Variants in CYP46A1 observed in about 807,000 individuals in gnomAD.
CYP46A1 encodes cholesterol 24-hydroxylase.
Under a neutral mutation model 63.3 loss-of-function variants are expected in CYP46A1, and 20 were observed. The observed-to-expected ratio is 0.32, with a 90% CI of 0.22 to 0.46. The LOEUF is 0.46. Ranked by LOEUF, CYP46A1 falls within the 20% of genes least tolerant of loss-of-function variation. The pLI, the probability that CYP46A1 is intolerant of heterozygous loss-of-function variation, is 1.00. For missense variants in CYP46A1, 445 were observed against 670.8 expected, an observed-to-expected ratio of 0.66 and a Z score of 3.72; for synonymous variants, 268 against 273.6, an observed-to-expected ratio of 0.98 and a Z score of 0.20.
chr14:99,695,062 G>A (rs2056575663), intron 3 of CYP46A1, among the ~76,000 whole-genome samples: 1 of 152,122 alleles, frequency 6.6e-6, no homozygotes, highest in South Asian at 2.1e-4. Flanking sequence ...TTATTTGGAT[G>A]TATGTTATTC....
At chr14:99,698,250 C>A (rs915898320) in intron 3 of CYP46A1, among the ~76,000 whole-genome samples, 1 of 151,998 alleles carries the variant, frequency 6.6e-6, no homozygotes, top group Non-Finnish European at 1.5e-5. Context: ...TCCTGCAGCA[C>A]GTTCCCCCTC....
chr14:99,719,210 C>G (rs2056820606), intron 10 of CYP46A1, among the ~76,000 whole-genome samples: 1 of 151,948 alleles, frequency 6.6e-6, no homozygotes, highest in Non-Finnish European at 1.5e-5. Context: ...ATGTCATCCC[C>G]CTCCACTATT....
chr14:99,684,435 G>A lies in CYP46A1; in HGVS notation c.18G>A (p.Leu6=). The A allele has an allele frequency of 6.8e-7, 1 of 1,466,692 alleles. No individual in the cohort carries two copies. The highest frequency in any genetic ancestry group is 2.4e-4 in the Middle Eastern group (1 of 4,246). The allele number at this position is 1,466,692 out of a possible 1,614,324, so 90.9% of individuals were successfully genotyped here. The change falls in exon 1 of 15, where the codon CTG becomes CTA. Residue 6 remains leucine, a synonymous_variant. Coordinates refer to ENST00000261835, the MANE Select transcript of CYP46A1 (RefSeq NM_006668.2). ...CCGGAGCCATGAGCCCCGGGCTGCTGCTGCTCGGCAGCGCCGTCCTGCTCG... is the reference window on the plus strand; with the variant it reads ...CCGGAGCCATGAGCCCCGGGCTGCTACTGCTCGGCAGCGCCGTCCTGCTCG... The part of the protein sequence containing the change: MSPGL[L]LLGSAVLLAF...
intron 7 of CYP46A1, among the ~76,000 whole-genome samples, chr14:99,714,760 C>CAAA (rs35534717): frequency 2.6e-3 from 270 of 102,152 alleles, no homozygotes; most frequent in Non-Finnish European, 4.4e-3. Flanking sequence ...AACCCCATCT[C>CAAA]AAAAAAAAAA....
At chr14:99,691,229 C>A (rs1053325801) in intron 2 of CYP46A1, 68 bp downstream of exon 2, 46 of 1,483,590 alleles carry the variant, frequency 3.1e-5, no homozygotes, top group Non-Finnish European at 3.5e-5. Flanking sequence ...CCAACCCAAT[C>A]CAGCACACAG....
intron 3 of CYP46A1, chr14:99,693,237 C>T (rs2056558924): frequency 6.5e-6 from 1 of 152,842 alleles, no homozygotes; most frequent in Admixed American, 6.5e-5. Flanking sequence ...TAAAATACAA[C>T]TTACAGTCAA....
intron 3 of CYP46A1, among the ~76,000 whole-genome samples, chr14:99,696,013 A>G (rs2056584651): frequency 6.6e-6 from 1 of 152,086 alleles, no homozygotes; most frequent in South Asian, 2.1e-4. Flanking sequence ...GCATTTTTAT[A>G]TTTAAAATGG....
At chr14:99,721,451 T>A in intron 11 of CYP46A1, 128 bp downstream of exon 11, 1 of 701,296 alleles carries the variant, frequency 1.4e-6, no homozygotes, top group Admixed American at 2.2e-5. Flanking sequence ...CCCGGAAGAT[T>A]TAAAGTATCC....
chr14:99,711,118 G>A (rs1218744467), intron 7 of CYP46A1: 4 of 151,982 alleles, frequency 2.6e-5, no homozygotes, highest in African/African-American at 9.7e-5. Context: ...AATGAAAAGG[G>A]GAACACAACA....
chr14:99,684,593 C>A, intron 1 of CYP46A1, 57 bp downstream of exon 1: 1 of 1,378,158 alleles, frequency 7.3e-7, no homozygotes, highest in Non-Finnish European at 9.6e-7. Flanking sequence ...GGCCTGGGGA[C>A]AGCGTCTAAG....
At chr14:99,704,684 AT>A (rs35758155) in intron 5 of CYP46A1, among the ~76,000 whole-genome samples, 1 of 152,184 alleles carries the variant, frequency 6.6e-6, no homozygotes, top group Non-Finnish European at 1.5e-5. Flanking sequence ...CTTAAATGAG[AT>A]TTTTTTAAAA....
chr14:99,706,909 G>C (rs1260680499), intron 6 of CYP46A1, 124 bp downstream of exon 6: 2 of 1,213,228 alleles, frequency 1.6e-6, no homozygotes, highest in Admixed American at 5.5e-5. Context: ...CAATTCCTCT[G>C]TGCTTCATAT....
chr14:99,703,985 C>T (rs912569872), intron 5 of CYP46A1, among the ~76,000 whole-genome samples: 1 of 152,292 alleles, frequency 6.6e-6, no homozygotes, highest in African/African-American at 2.4e-5. Context: ...CTTCAGGAAG[C>T]TTTGAGGTTA....
intron 5 of CYP46A1, chr14:99,705,916 CTCTG>C (rs1166031919): frequency 2.0e-5 from 3 of 152,232 alleles, no homozygotes; most frequent in Non-Finnish European, 4.4e-5. Flanking sequence ...CAGAGCAAGA[CTCTG>C]TCTATGGAAA....
chr14:99,723,804 T>C (rs1368291998), intron 12 of CYP46A1, among the ~76,000 whole-genome samples: 2 of 152,244 alleles, frequency 1.3e-5, no homozygotes, highest in South Asian at 4.1e-4. Flanking sequence ...TTGTCCTCAG[T>C]TTTACATTTT....
intron 3 of CYP46A1, among the ~76,000 whole-genome samples, chr14:99,692,253 A>G (rs1195070733): frequency 6.6e-6 from 1 of 152,248 alleles, no homozygotes; most frequent in Non-Finnish European, 1.5e-5. Flanking sequence ...ATGTCAAAAC[A>G]TCCTTAAAGA....
chr14:99,691,232 G>A lies in CYP46A1; in HGVS notation c.200+71G>A. ...GGGGCAGCTCCCCCAACCCAATCCA[G>A]CACACAGACTCCCAGCCTCACCTTC... On this transcript the variant is annotated intron_variant, in intron 2 of 14. Transcript: ENST00000261835. The A allele has an allele frequency of 2.8e-6, 4 of 1,454,024 alleles. No individual in the cohort carries two copies. In the Admixed American group the frequency reaches 6.7e-5, roughly 24 times the overall value. The allele number at this position is 1,454,024 out of a possible 1,614,324, so 90.1% of individuals were successfully genotyped here.
chr14:99,701,509 G>A (rs2056630183), intron 5 of CYP46A1, among the ~76,000 whole-genome samples: 1 of 152,220 alleles, frequency 6.6e-6, no homozygotes. Flanking sequence ...TAGGTGTGTA[G>A]TAGGCTATAC....
chr14:99,700,159 G>T, intron 5 of CYP46A1, 58 bp downstream of exon 5: 1 of 1,406,260 alleles, frequency 7.1e-7, no homozygotes, highest in East Asian at 2.4e-5. Flanking sequence ...AGGGGCTGCC[G>T]AAGTGTAGGT....
Sources: allele counts gnomAD v4.1 joint callset (sites outside exome capture counted in the v4.1 genomes callset), GRCh38; gene constraint gnomAD v4.1.1; transcripts MANE v1.5; gene names NCBI Gene and HGNC (gene_info 2026-07-23, HGNC 2026-07-21).